The following SND1 variants were observed in gnomAD, a reference collection of about 807,000 sequenced individuals.
SND1 encodes the protein staphylococcal nuclease and tudor domain containing 1.
SND1 carries 38 observed loss-of-function variants against 121.7 expected under a neutral mutation model. The ratio of observed to expected loss-of-function variants is 0.31; its 90% CI spans 0.24 to 0.41. The LOEUF (loss-of-function observed/expected upper bound fraction) is 0.41. Among genes scored for constraint, SND1 ranks in the 10% least tolerant of loss-of-function variants. SND1 has a pLI of 1.00. For missense variants in SND1, 868 were observed against 1,184.6 expected, an observed-to-expected ratio of 0.73 and a Z score of 3.92; for synonymous variants, 401 against 447.4, an observed-to-expected ratio of 0.90 and a Z score of 1.31.
At chr7:127,840,365 C>G (rs1020830336) in intron 11 of SND1, among the ~76,000 whole-genome samples, 2 of 152,228 alleles carry the variant, frequency 1.3e-5, no homozygotes, top group African/African-American at 4.8e-5. Flanking sequence ...TCAAGTAGCA[C>G]CAAGCAAGAG....
intron 9 of SND1, among the ~76,000 whole-genome samples, chr7:127,711,549 T>C (rs1298849407): frequency 6.6e-6 from 1 of 152,154 alleles, no homozygotes; most frequent in African/African-American, 2.4e-5. Flanking sequence ...TTTTTGATCC[T>C]AGTGTTCCAA....
At chr7:127,888,916 C>T (rs552101291) in intron 13 of SND1, among the ~76,000 whole-genome samples, 44 of 152,220 alleles carry the variant, frequency 2.9e-4, no homozygotes, top group Middle Eastern at 3.4e-3. Context: ...TATCTAATCT[C>T]GGCTTCAGAT....
chr7:127,895,580 A>C (rs1258309741), intron 13 of SND1, among the ~76,000 whole-genome samples: 4 of 151,954 alleles, frequency 2.6e-5, no homozygotes, highest in African/African-American at 9.7e-5. Flanking sequence ...GTGTCTGTGG[A>C]GGGTTTCGCT....
intron 21 of SND1, among the ~76,000 whole-genome samples, chr7:128,088,301 A>G (rs1357710592): frequency 7.2e-6 from 1 of 138,552 alleles, no homozygotes; most frequent in African/African-American, 2.7e-5. Context: ...AAAAAAAAAA[A>G]ATAGCTGGGT....
At chr7:127,954,476 G>T (rs1398442475) in intron 15 of SND1, among the ~76,000 whole-genome samples, 1 of 151,990 alleles carries the variant, frequency 6.6e-6, no homozygotes, top group East Asian at 1.9e-4. Flanking sequence ...AAGAGACTCT[G>T]GGGAGATCAT....
chr7:127,929,896 T>G (rs951045127), intron 15 of SND1, among the ~76,000 whole-genome samples: 1 of 152,218 alleles, frequency 6.6e-6, no homozygotes, highest in African/African-American at 2.4e-5. Flanking sequence ...GCAAAGATGC[T>G]CCTTTCTTTG....
intron 16 of SND1, among the ~76,000 whole-genome samples, chr7:128,045,112 T>C (rs2117012269): frequency 6.6e-6 from 1 of 152,246 alleles, no homozygotes; most frequent in East Asian, 1.9e-4. Flanking sequence ...GGAGCTCTTG[T>C]AAAGAATTGG....
At chr7:127,816,466 C>T (rs1194469022) in intron 11 of SND1, among the ~76,000 whole-genome samples, 1 of 152,152 alleles carries the variant, frequency 6.6e-6, no homozygotes, top group Admixed American at 6.5e-5. Context: ...GCTTTGCCTT[C>T]TCACCTCTTC....
chr7:127,807,475 T>C lies in SND1; in HGVS notation c.1153-9T>C, dbSNP rs755099463. Reference sequence around the variant, plus strand: ...TCATTCCTGATGTCATGTTTTATTTTACTTTTAGGATAAGAACAAGAAACT... The same window carrying C: ...TCATTCCTGATGTCATGTTTTATTTCACTTTTAGGATAAGAACAAGAAACT... On this transcript the variant is annotated splice_polypyrimidine_tract_variant and intron_variant, in intron 10 of 23. Transcript: ENST00000354725. 1.9e-6 allele frequency: 3 copies of C among 1,606,354 alleles called. No homozygotes were observed. The South Asian group carries it at 3.3e-5, about 18-fold the overall frequency.
intron 1 of SND1, among the ~76,000 whole-genome samples, chr7:127,683,135 C>T (rs1420211926): frequency 6.6e-6 from 1 of 152,022 alleles, no homozygotes; most frequent in Non-Finnish European, 1.5e-5. Flanking sequence ...AGACTGTTGG[C>T]GAGTAAGACA....
intron 8 of SND1, among the ~76,000 whole-genome samples, chr7:127,707,341 G>C (rs1413812954): frequency 6.6e-6 from 1 of 152,204 alleles, no homozygotes; most frequent in Admixed American, 6.5e-5. Context: ...AAAATTGTAT[G>C]CCTGGACCAT....
At chr7:127,670,749 G>A (rs1256260068) in intron 1 of SND1, among the ~76,000 whole-genome samples, 1 of 150,168 alleles carries the variant, frequency 6.7e-6, no homozygotes, top group Non-Finnish European at 1.5e-5. Context: ...TCCTGGCCCC[G>A]AGAGATCTTG....
chr7:127,779,798 T>C (rs1797685508), intron 10 of SND1, among the ~76,000 whole-genome samples: 1 of 152,202 alleles, frequency 6.6e-6, no homozygotes, highest in Admixed American at 6.5e-5. Context: ...TTTTCCTGAT[T>C]TGCCTCCTGC....
chr7:127,791,872 G>A (rs1266404491), intron 10 of SND1, among the ~76,000 whole-genome samples: 1 of 152,080 alleles, frequency 6.6e-6, no homozygotes, highest in Non-Finnish European at 1.5e-5. Flanking sequence ...TAGTAACCAC[G>A]TTGACACATT....
chr7:127,666,881 A>G (rs540477825), intron 1 of SND1, among the ~76,000 whole-genome samples: 25 of 152,324 alleles, frequency 1.6e-4, no homozygotes, highest in Non-Finnish European at 3.1e-4. Flanking sequence ...CAGCTGTGTT[A>G]GATGATCAGG....
At chr7:127,916,608 G>A (rs556532989) in intron 14 of SND1, among the ~76,000 whole-genome samples, 1 of 152,300 alleles carries the variant, frequency 6.6e-6, no homozygotes, top group East Asian at 1.9e-4. Context: ...GGGAGTGTTT[G>A]AACAAACAGA....
chr7:127,652,870 A>G (rs1795146630), intron 1 of SND1, among the ~76,000 whole-genome samples: 1 of 152,160 alleles, frequency 6.6e-6, no homozygotes, highest in Admixed American at 6.5e-5. Context: ...CCATCATGAA[A>G]CTTTTCTGTT....
At chr7:127,759,950 A>G (rs951224057) in intron 10 of SND1, among the ~76,000 whole-genome samples, 2 of 152,128 alleles carry the variant, frequency 1.3e-5, no homozygotes, top group Middle Eastern at 3.2e-3. Flanking sequence ...AATGTACCCT[A>G]TAGTGCCCCA....
chr7:127,897,403 T>C (rs962111366), intron 13 of SND1, among the ~76,000 whole-genome samples: 1 of 152,160 alleles, frequency 6.6e-6, no homozygotes, highest in African/African-American at 2.4e-5. Context: ...GTAACAAGTA[T>C]TTTATCAGGT....
Sources: allele counts gnomAD v4.1 joint callset (sites outside exome capture counted in the v4.1 genomes callset), GRCh38; gene constraint gnomAD v4.1.1; transcripts MANE v1.5; gene names NCBI Gene and HGNC (gene_info 2026-07-23, HGNC 2026-07-21).